Variants in MYH7B observed in about 807,000 individuals in gnomAD.
MYH7B encodes myosin-7B.
Under a neutral mutation model 234.5 loss-of-function variants are expected in MYH7B, and 205 were observed. That is an observed-to-expected ratio of 0.87 (90% CI 0.78 to 0.98). The LOEUF is 0.98. Ranked by LOEUF, MYH7B falls within the 50% of genes least tolerant of loss-of-function variation. The probability of loss-of-function intolerance (pLI) is 0.00; values close to 1 mark genes in which losing one functional copy is unlikely to be tolerated. For missense variants in MYH7B, 2,652 were observed against 2,633.4 expected (o/e 1.01, Z -0.15); for synonymous variants, 1,193 against 1,105.0 (o/e 1.08, Z -1.58).
exon 39 of MYH7B, chr20:35,000,454 C>G: frequency 6.2e-7 from 1 of 1,601,974 alleles, no homozygotes; most frequent in Non-Finnish European, 8.5e-7. Flanking sequence ...GAGGCCCAGG[C>G]TGCCACGCGG....
chr20:34,964,232 T>A (rs917162566), intron 2 of MYH7B, among the ~76,000 whole-genome samples: 4 of 151,850 alleles, frequency 2.6e-5, no homozygotes, highest in Admixed American at 1.3e-4. Context: ...GACAGAATGG[T>A]CAAGGTTTCT....
rs1253459877 is a variant in MYH7B, at chr20:34,995,418, A to C, written c.2783A>C (p.Glu928Ala). ...GTGCAGCTGGAGGGGAAGGTGAAGG[A>C]GCTGAGTGAGCGGCTGGAGGATGAG... The change falls in exon 28 of 45, where the codon GAG (glutamate) becomes GCG (alanine). Residue 928 changes from glutamate to alanine, a missense_variant. This residue lies in a region of MYH7B where 2,279 missense variants were observed against 2,211.4 expected (regional missense o/e 1.03). Transcript: ENST00000262873. 2 of 1,613,894 alleles carry C rather than the reference A, an allele frequency of 1.2e-6. No individual in the cohort carries two copies. The highest frequency in any genetic ancestry group is 2.7e-5 in the African/African-American group (2 of 75,062).
exon 44 of MYH7B, chr20:35,001,967 A>G: frequency 6.2e-7 from 1 of 1,613,498 alleles, no homozygotes; most frequent in Non-Finnish European, 8.5e-7. Flanking sequence ...GCCAACACCA[A>G]CCTGGCCAAG....
At chr20:34,988,063 C>A in intron 18 of MYH7B, 29 bp from the exon 19 acceptor site, 2 of 1,599,124 alleles carry the variant, frequency 1.3e-6, no homozygotes, top group South Asian at 1.1e-5. Context: ...TGCGAGAGGT[C>A]TGCTGAGCCA....
At position 35,001,897 on chromosome 20, in the gene MYH7B, A is replaced by G. The variant is rs780721451; in HGVS notation, c.5677-51A>G. ...TTCTTGGACTGGGGCAGGGACCAGA[A>G]TAAGCATCTCAGTCACCCAAGCGGA... is the stretch of plus-strand genomic sequence containing the variant. On this transcript the variant is annotated intron_variant, in intron 43 of 44. Coordinates refer to ENST00000262873, the Ensembl canonical transcript of MYH7B. 2.5e-6 allele frequency: 4 copies of G among 1,585,178 alleles called. No individual in the cohort carries two copies. In the South Asian group the frequency reaches 3.5e-5, roughly 14 times the overall value.
chr20:34,969,562 T>TTG (rs2081774051), intron 2 of MYH7B, among the ~76,000 whole-genome samples: 1 of 143,832 alleles, frequency 7.0e-6, no homozygotes, highest in African/African-American at 2.6e-5. Context: ...TTTTTTTTTT[T>TTG]GAGATGGAGT....
chr20:34,974,589 A>G (rs2081828318), intron 2 of MYH7B, among the ~76,000 whole-genome samples: 1 of 152,120 alleles, frequency 6.6e-6, no homozygotes, highest in Non-Finnish European at 1.5e-5. Flanking sequence ...TAGGACTCAG[A>G]CCCACATGAT....
chr20:34,999,251 ACGGCGG>A, exon 36 of MYH7B: 2 of 1,605,198 alleles, frequency 1.2e-6, no homozygotes, highest in Non-Finnish European at 1.7e-6. Context: ...CACTGGAGGA[ACGGCGG>A]CGGCAGGAGG....
At chr20:34,979,763 C>T in exon 7 of MYH7B, 1 of 1,614,124 alleles carries the variant, frequency 6.2e-7, no homozygotes, top group Non-Finnish European at 8.5e-7. Flanking sequence ...GGCCTCTGTG[C>T]TGCACAACCT....
chr20:35,001,657 A>G (rs2082387710), intron 43 of MYH7B, 131 bp downstream of exon 43: 4 of 871,846 alleles, frequency 4.6e-6, no homozygotes, highest in South Asian at 1.7e-5. Flanking sequence ...AGAAGCTTCT[A>G]ACATCTCTGG....
exon 40 of MYH7B, chr20:35,000,827 G>A (rs1376918728): frequency 6.2e-7 from 1 of 1,613,872 alleles, no homozygotes; most frequent in Non-Finnish European, 8.5e-7. Context: ...AGCTGAGCGG[G>A]GAGGTGGAGG....
exon 27 of MYH7B, chr20:34,994,224 C>T (rs1600459611): frequency 6.2e-7 from 1 of 1,613,320 alleles, no homozygotes; most frequent in Non-Finnish European, 8.5e-7. Flanking sequence ...AGCTCTTTTT[C>T]AAGATGAAGC....
intron 2 of MYH7B, among the ~76,000 whole-genome samples, chr20:34,966,271 C>T (rs1160304884): frequency 6.6e-6 from 1 of 152,162 alleles, no homozygotes; most frequent in Admixed American, 6.5e-5. Flanking sequence ...CAAACTGTGG[C>T]GCATCCATAC....
At position 34,990,227 on chromosome 20, in the gene MYH7B, C is replaced by T. The variant is rs772083171; in HGVS notation, c.1901-7C>T. The T allele has an allele frequency of 3.7e-6, 6 of 1,614,128 alleles. No individual in the cohort carries two copies. The South Asian group carries it at 5.5e-5, about 15-fold the overall frequency. On this transcript the variant is annotated splice_polypyrimidine_tract_variant and splice_region_variant and intron_variant, in intron 21 of 44. Transcript: ENST00000262873. ...CCTGGAGTGACCAGGCCCCTTGTCTCTATTAGCTGAGCCCCCCAAGTCTGG... is the reference window on the plus strand; with the variant it reads ...CCTGGAGTGACCAGGCCCCTTGTCTTTATTAGCTGAGCCCCCCAAGTCTGG...
exon 19 of MYH7B, chr20:34,988,199 C>T (rs1462276796): frequency 6.2e-7 from 1 of 1,614,034 alleles, no homozygotes; most frequent in Non-Finnish European, 8.5e-7. Context: ...AGCGGGAGGG[C>T]ATCGACTGGG....
In MYH7B at chr20:35,001,464, C is replaced by A. The variant is rs1430689475; in HGVS notation, c.5614C>A (p.Gln1872Lys). 3 of 1,609,000 alleles carry A rather than the reference C, an allele frequency of 1.9e-6. No homozygotes were observed. Among genetic ancestry groups the A allele is most frequent in the Non-Finnish European group, 2.5e-6 (3 of 1,177,696 alleles). Residue 1872 changes from glutamine (Q) to lysine (K), a missense_variant, in exon 43 of 45, where the codon CAG becomes AAG. Gln to Lys is a moderately conservative substitution (Grantham distance 53). This residue lies in a region of MYH7B where 2,279 missense variants were observed against 2,211.4 expected (regional missense o/e 1.03). Coordinates refer to ENST00000262873, the Ensembl canonical transcript of MYH7B. ...GGACAGGAAGAACCTGGCTCGCATGCAGGACCTGGTGGACAAGCTGCAGAG... is the reference window on the plus strand; with the variant it reads ...GGACAGGAAGAACCTGGCTCGCATGAAGGACCTGGTGGACAAGCTGCAGAG...
exon 30 of MYH7B, chr20:34,996,623 C>T: frequency 6.2e-7 from 1 of 1,611,592 alleles, no homozygotes; most frequent in Non-Finnish European, 8.5e-7. Context: ...CTGGAATGCT[C>T]CCTGGAGCAG....
intron 1 of MYH7B, among the ~76,000 whole-genome samples, chr20:34,957,737 G>A (rs3787212): frequency 0.25 from 37,800 of 151,948 alleles, 5,112 homozygotes; most frequent in Non-Finnish European, 0.31. Context: ...TGATCCACCC[G>A]CCCCAGCCTC....
chr20:34,976,290 A>G (rs963529392), intron 3 of MYH7B, among the ~76,000 whole-genome samples: 1 of 152,116 alleles, frequency 6.6e-6, no homozygotes, highest in African/African-American at 2.4e-5. Context: ...ATTTCTCTAT[A>G]TTTCGTCTAG....
Sources: allele counts gnomAD v4.1 joint callset (sites outside exome capture counted in the v4.1 genomes callset), GRCh38; gene constraint gnomAD v4.1.1; regional missense constraint gnomAD v4.1.1; transcripts MANE v1.5; gene names NCBI Gene and HGNC (gene_info 2026-07-23, HGNC 2026-07-21).